PPP2R2B: variants seen among roughly 807,000 people sequenced by gnomAD.
PPP2R2B encodes protein phosphatase 2 regulatory subunit Bbeta, also known as serine/threonine-protein phosphatase 2A 55 kDa regulatory subunit B beta isoform.
A neutral mutation model predicts 46.0 loss-of-function variants in PPP2R2B; 5 were observed. That is an observed-to-expected ratio of 0.11 (90% CI 0.06 to 0.23). The LOEUF (loss-of-function observed/expected upper bound fraction) is 0.23. PPP2R2B is among the 10% of genes least tolerant of loss of function. The probability of loss-of-function intolerance (pLI) is 1.00; values close to 1 mark genes in which losing one functional copy is unlikely to be tolerated. For synonymous variants in PPP2R2B, 215 were observed against 206.7 expected (o/e 1.04, Z -0.34); for missense variants, 367 against 575.0 (o/e 0.64, Z 3.70).
intron 2 of PPP2R2B, among the ~76,000 whole-genome samples, chr5:147,062,250 G>T (rs903128665): frequency 2.8e-4 from 42 of 152,134 alleles, no homozygotes; most frequent in Non-Finnish European, 1.8e-4. Flanking sequence ...TACCATCTAG[G>T]TTTGTGTAAG....
intron 2 of PPP2R2B, among the ~76,000 whole-genome samples, chr5:146,711,848 C>T (rs1321038197): frequency 3.9e-5 from 6 of 152,118 alleles, no homozygotes; most frequent in Non-Finnish European, 8.8e-5. Flanking sequence ...TTCAAAGATT[C>T]TGATCATAGA....
chr5:146,667,332 G>GCGCA (rs1239646840), intron 5 of PPP2R2B, among the ~76,000 whole-genome samples: 612 of 32,002 alleles, frequency 0.019, 4 homozygotes, highest in African/African-American at 0.055. Flanking sequence ...GCGTGCGCGC[G>GCGCA]CACACACACA....
intron 1 of PPP2R2B, among the ~76,000 whole-genome samples, chr5:146,961,137 T>C (rs1752154719): frequency 6.6e-6 from 1 of 152,226 alleles, no homozygotes; most frequent in East Asian, 1.9e-4. Context: ...ATTTGCATTA[T>C]CATTTTTAAA....
At chr5:147,037,344 T>G (rs1444879464) in intron 1 of PPP2R2B, among the ~76,000 whole-genome samples, 1 of 151,892 alleles carries the variant, frequency 6.6e-6, no homozygotes, top group East Asian at 1.9e-4. Context: ...GAGTAAATTG[T>G]TAGGCAAAAA....
intron 2 of PPP2R2B, among the ~76,000 whole-genome samples, chr5:146,843,333 T>A (rs1759784264): frequency 6.6e-6 from 1 of 152,192 alleles, no homozygotes; most frequent in African/African-American, 2.4e-5. Context: ...AGTACATAAA[T>A]CCAGACTTGG....
rs1331551935 is a variant in PPP2R2B at position 146,580,943 on chromosome 5, T to C, written c.*9004A>G. On this transcript the variant is annotated 3_prime_UTR_variant, in exon 10 of 10. Transcript: ENST00000394411. The stretch of plus-strand genomic sequence containing the variant: ...ATGCCTGAAATGGTATTTCATTTTG[T>C]ACTTTGAAAAAATCAGCTTTTTGAG... 6.6e-6 allele frequency among the ~76,000 whole-genome samples: 1 copy of C among 152,144 alleles called. No homozygotes were observed. The highest frequency in any genetic ancestry group is 2.1e-4 in the South Asian group (1 of 4,820).
intron 1 of PPP2R2B, among the ~76,000 whole-genome samples, chr5:146,906,830 T>C (rs1364635521): frequency 3.9e-5 from 6 of 152,246 alleles, no homozygotes; most frequent in Non-Finnish European, 8.8e-5. Context: ...CAACACTGTA[T>C]GCCCTTGTCA....
At chr5:146,975,202 C>G (rs1752845654) in intron 1 of PPP2R2B, among the ~76,000 whole-genome samples, 1 of 152,146 alleles carries the variant, frequency 6.6e-6, no homozygotes, top group South Asian at 2.1e-4. Context: ...ACTACTCTAG[C>G]TTTATTTCTA....
chr5:146,963,905 T>C lies in PPP2R2B; in HGVS notation c.79+91760A>G, dbSNP rs1256492414. 4.6e-5 allele frequency among the ~76,000 whole-genome samples: 7 copies of C among 152,210 alleles called. No individual in the cohort carries two copies. In the South Asian group the frequency reaches 1.2e-3, roughly 27 times the overall value. Reference sequence around the variant, plus strand: ...GGAGTTGTCCTCTAAAAAGAACAATTGTAACAGCTTGACCTTTCAGGTCTC... The same window carrying C: ...GGAGTTGTCCTCTAAAAAGAACAATCGTAACAGCTTGACCTTTCAGGTCTC... On this transcript the variant is annotated intron_variant, in intron 1 of 8. Transcript: ENST00000336640.
intron 6 of PPP2R2B, among the ~76,000 whole-genome samples, chr5:146,644,178 T>C (rs950656736): frequency 1.6e-5 from 2 of 128,190 alleles, no homozygotes; most frequent in African/African-American, 6.0e-5. Flanking sequence ...TAAAAGAATA[T>C]CGTAATGCAA....
At chr5:146,785,423 C>T (rs910589951) in intron 2 of PPP2R2B, among the ~76,000 whole-genome samples, 1 of 152,144 alleles carries the variant, frequency 6.6e-6, no homozygotes, top group African/African-American at 2.4e-5. Flanking sequence ...TAGTGCACAC[C>T]TGTAATCCCT....
chr5:146,949,986 T>C (rs1764601981), intron 1 of PPP2R2B, among the ~76,000 whole-genome samples: 1 of 151,780 alleles, frequency 6.6e-6, no homozygotes, highest in South Asian at 2.1e-4. Context: ...GTAGTGGGGA[T>C]AGGAGTGGGG....
In PPP2R2B at chr5:146,592,995, T is replaced by A; in HGVS notation, c.1028A>T (p.Glu343Val). 2 of 1,613,644 alleles carry A rather than the reference T, an allele frequency of 1.2e-6. No individual in the cohort carries two copies. Among genetic ancestry groups the A allele is most frequent in the Non-Finnish European group, 1.7e-6 (2 of 1,179,634 alleles). The change falls in exon 9 of 10, where the codon GAG (glutamate) becomes GTG (valine). Residue 343 changes from glutamate to valine, a missense_variant. This residue lies in a region of PPP2R2B where 361 missense variants were observed against 545.5 expected (regional missense o/e 0.66). Coordinates refer to ENST00000394411, the MANE Select transcript of PPP2R2B (RefSeq NM_181675.4). ...YENDCIFDKF[E>V]CVWNGSDSVI... ...CCTGTCTGACCCATTCCACACACAC[T>A]CAAATTTATCAAAAATGCAGTCATT...
At chr5:146,883,166 T>G (rs1762221084), upstream of PPP2R2B, among the ~76,000 whole-genome samples, 1 of 152,220 alleles carries the variant, frequency 6.6e-6, no homozygotes, top group African/African-American at 2.4e-5. Context: ...CATTTATAAA[T>G]TTCATGACCT....
At chr5:146,853,521 C>A (rs1322840952) in intron 2 of PPP2R2B, among the ~76,000 whole-genome samples, 1 of 152,094 alleles carries the variant, frequency 6.6e-6, no homozygotes, top group African/African-American at 2.4e-5. Flanking sequence ...CCTTTCTGAG[C>A]TTCTTTTTGC....
intron 1 of PPP2R2B, among the ~76,000 whole-genome samples, chr5:147,020,906 A>G (rs1000347970): frequency 5.3e-5 from 8 of 152,212 alleles, no homozygotes; most frequent in Non-Finnish European, 1.0e-4. Flanking sequence ...CGAGAACTGT[A>G]TAACTAAATT....
At chr5:147,040,693 C>G in intron 1 of PPP2R2B, 1 of 434,162 alleles carries the variant, frequency 2.3e-6, no homozygotes. Context: ...GTTAGGTACT[C>G]CGTGTGAGGA....
At chr5:146,938,186 A>C (rs1220259623) in intron 1 of PPP2R2B, among the ~76,000 whole-genome samples, 1 of 152,166 alleles carries the variant, frequency 6.6e-6, no homozygotes, top group Non-Finnish European at 1.5e-5. Flanking sequence ...AAAAAGAAAA[A>C]ATCCTGTTCA....
At chr5:146,854,505 A>G (rs989936423) in intron 2 of PPP2R2B, among the ~76,000 whole-genome samples, 3 of 152,124 alleles carry the variant, frequency 2.0e-5, no homozygotes, top group Non-Finnish European at 2.9e-5. Flanking sequence ...TCTGCTATCA[A>G]ACATTAGAAT....
Sources: allele counts gnomAD v4.1 joint callset (sites outside exome capture counted in the v4.1 genomes callset), GRCh38; gene constraint gnomAD v4.1.1; regional missense constraint gnomAD v4.1.1; transcripts MANE v1.5; gene names NCBI Gene and HGNC (gene_info 2026-07-23, HGNC 2026-07-21).